Variants in TMEM67 observed in about 807,000 individuals in gnomAD.
The protein encoded by TMEM67 is meckelin.
Under a neutral mutation model 136.6 loss-of-function variants are expected in TMEM67, and 124 were observed. The ratio of observed to expected loss-of-function variants is 0.91; its 90% confidence interval spans 0.78 to 1.05. The LOEUF is 1.05. Ranked by LOEUF, TMEM67 falls within the 50% of genes least tolerant of loss-of-function variation. TMEM67 has a pLI of 0.00. For missense variants in TMEM67, 1,107 were observed against 1,178.4 expected, an observed-to-expected ratio of 0.94 and a Z score of 0.89; for synonymous variants, 364 against 390.5, an observed-to-expected ratio of 0.93 and a Z score of 0.80.
rs144538020 is a variant in TMEM67 at position 93,795,396 on chromosome 8, T to C, written c.1675-13T>C. On this transcript the variant is annotated splice_polypyrimidine_tract_variant and intron_variant, in intron 16 of 27. Transcript: ENST00000453321. ...AGTCTTAAACAGCTGTAATTCTTTT[T>C]TTTAAATTGCAGACAGTTGTGAAAT... 1.2e-6 allele frequency: 2 copies of C among 1,611,002 alleles called. No homozygotes were observed. Among genetic ancestry groups the C allele is most frequent in the Non-Finnish European group, 1.7e-6 (2 of 1,177,174 alleles).
rs748452316 is a variant in TMEM67 at position 93,787,887 on chromosome 8, CCCTT to C, written c.1457_1460del (p.Pro486GlnfsTer19). ...CACAATAAATGGAAACATCTACCCT[CCCTT>C]AATCACCATTGCCTACAGTGACATT... On this transcript the variant is annotated frameshift_variant, in exon 14 of 28. Coordinates refer to ENST00000453321, the MANE Select transcript of TMEM67 (RefSeq NM_153704.6). LOFTEE classifies it high-confidence loss of function. 6.2e-7 allele frequency: 1 copy of C among 1,614,068 alleles called. No homozygotes were observed. The highest frequency in any genetic ancestry group is 1.1e-5 in the South Asian group (1 of 91,084).
chr8:93,774,750 A>G (rs1813466451), intron 7 of TMEM67, among the ~76,000 whole-genome samples: 1 of 152,150 alleles, frequency 6.6e-6, no homozygotes, highest in Admixed American at 6.5e-5. Context: ...TTCTTAATCC[A>G]GTCTATCATT....
At chr8:93,811,820 C>T (rs1185357047) in intron 26 of TMEM67, among the ~76,000 whole-genome samples, 2 of 151,898 alleles carry the variant, frequency 1.3e-5, no homozygotes, top group African/African-American at 2.4e-5. Flanking sequence ...GCCTGGAGGA[C>T]AGAGCAAGAC....
chr8:93,765,006 C>T (rs1458579674), intron 4 of TMEM67, among the ~76,000 whole-genome samples: 2 of 152,106 alleles, frequency 1.3e-5, no homozygotes, highest in Non-Finnish European at 2.9e-5. Context: ...ATACATTTCT[C>T]TTCGGGTTAT....
At chr8:93,813,916 T>C (rs1473725229) in intron 26 of TMEM67, among the ~76,000 whole-genome samples, 3 of 152,144 alleles carry the variant, frequency 2.0e-5, no homozygotes, top group Non-Finnish European at 4.4e-5. Context: ...GCAAGTGTAA[T>C]GTGCATATTT....
intron 25 of TMEM67, 151 bp downstream of exon 25, chr8:93,809,312 A>G (rs576323492): frequency 1.9e-5 from 12 of 643,054 alleles, no homozygotes; most frequent in Non-Finnish European, 3.0e-5. Flanking sequence ...GTCACATTCA[A>G]TACTTAGGAA....
chr8:93,781,085 T>C, intron 9 of TMEM67, 103 bp downstream of exon 9: 1 of 775,152 alleles, frequency 1.3e-6, no homozygotes, highest in Non-Finnish European at 2.3e-6. Flanking sequence ...TGGTACAAAC[T>C]CAGTTACTAA....
chr8:93,757,912 A>C (rs1812654861), intron 2 of TMEM67, among the ~76,000 whole-genome samples: 1 of 151,940 alleles, frequency 6.6e-6, no homozygotes, highest in Non-Finnish European at 1.5e-5. Context: ...ATACACCACC[A>C]CGCCCAGCTA....
chr8:93,825,646 A>G, the TMEM67 span, among the ~76,000 whole-genome samples: 1 of 152,232 alleles, frequency 6.6e-6, no homozygotes, highest in East Asian at 1.9e-4. Context: ...ATATCCATAT[A>G]GCTCCCAACT....
chr8:93,758,523 C>T lies in TMEM67; in HGVS notation c.353C>T (p.Pro118Leu), dbSNP rs1812682703. 5 of 1,613,966 alleles carry T rather than the reference C, an allele frequency of 3.1e-6. No homozygotes were observed. Among genetic ancestry groups the T allele is most frequent in the Non-Finnish European group, 3.4e-6 (4 of 1,179,930 alleles). The stretch of plus-strand genomic sequence containing the variant: ...GATGGCTGGAACTGCATTTCTTGCC[C>T]TAGTGACTTAACTGCCGAAGGAAAA... ...TEDGWNCISC[P>L]SDLTAEGKCH... is the part of the protein sequence containing the mutation. The change falls in exon 3 of 28, where the codon CCT becomes CTT. Residue 118 changes from proline to leucine, a missense_variant. By Grantham distance (98) the Pro-to-Leu change is moderately conservative. Coordinates refer to ENST00000453321, the MANE Select transcript of TMEM67 (RefSeq NM_153704.6).
At chr8:93,796,304 G>T (rs1219278097) in intron 18 of TMEM67, among the ~76,000 whole-genome samples, 2 of 152,090 alleles carry the variant, frequency 1.3e-5, no homozygotes, top group Non-Finnish European at 1.5e-5. Context: ...CATGAATTTT[G>T]TCTCCATTAA....
Position 93,755,123 on chromosome 8 carries a change from G to C in TMEM67, c.209G>C (p.Arg70Thr). 6.2e-7 allele frequency: 1 copy of C among 1,614,152 alleles called. No individual in the cohort carries two copies. Among genetic ancestry groups the C allele is most frequent in the South Asian group, 1.1e-5 (1 of 91,078 alleles). ...LSCVPCGANQ[R>T]QDARGTSCVC... Reference sequence around the variant, plus strand: ...TGTGTTCCTTGTGGAGCTAACCAGAGGCAAGATGCCCGAGGTAAGACGGTT... The same window carrying C: ...TGTGTTCCTTGTGGAGCTAACCAGACGCAAGATGCCCGAGGTAAGACGGTT... The change falls in exon 1 of 28, where the codon AGG becomes ACG. Residue 70 changes from arginine (R) to threonine (T), a missense_variant. Transcript: ENST00000453321.
the TMEM67 span, among the ~76,000 whole-genome samples, chr8:93,826,715 A>G: frequency 4.1e-3 from 620 of 152,342 alleles, 6 homozygotes; most frequent in African/African-American, 0.015. Context: ...TCCACAATTG[A>G]TAACCTTCTA....
intron 7 of TMEM67, among the ~76,000 whole-genome samples, chr8:93,778,133 T>G (rs547345300): frequency 1.4e-4 from 21 of 152,332 alleles, no homozygotes; most frequent in Non-Finnish European, 2.8e-4. Flanking sequence ...CTTTTGATCT[T>G]TGTTGGTTTA....
At position 93,775,111 on chromosome 8, in the gene TMEM67, T is replaced by C. The variant is rs544340640; in HGVS notation, c.714+2460T>C. 5.9e-5 allele frequency among the ~76,000 whole-genome samples: 9 copies of C among 152,380 alleles called. No individual in the cohort carries two copies. In the South Asian group the frequency reaches 1.7e-3, roughly 28 times the overall value. Reference sequence around the variant, plus strand: ...TTTACATTTCTCTGATGACCAGTGATGACGAGCATTTTTTCATGTGTCTGT... The same window carrying C: ...TTTACATTTCTCTGATGACCAGTGACGACGAGCATTTTTTCATGTGTCTGT... On this transcript the variant is annotated intron_variant, in intron 7 of 27. Coordinates refer to ENST00000453321, the MANE Select transcript of TMEM67 (RefSeq NM_153704.6).
chr8:93,819,643 G>A (rs1048965497), downstream of TMEM67, among the ~76,000 whole-genome samples: 1 of 152,130 alleles, frequency 6.6e-6, no homozygotes, highest in South Asian at 2.1e-4. Flanking sequence ...TTTGACCTCA[G>A]AGAAGTGGAT....
intron 26 of TMEM67, among the ~76,000 whole-genome samples, chr8:93,814,947 C>T (rs561205393): frequency 2.0e-5 from 3 of 152,196 alleles, no homozygotes; most frequent in Admixed American, 6.5e-5. Flanking sequence ...CTGGTTTTTT[C>T]TCTGATTTAC....
At chr8:93,797,038 G>A (rs1814650208) in intron 18 of TMEM67, 96 bp from the exon 19 acceptor site, 4 of 761,038 alleles carry the variant, frequency 5.3e-6, no homozygotes, top group African/African-American at 1.7e-5. Flanking sequence ...ATATGTTCTT[G>A]TGATAACAGT....
At chr8:93,815,499 T>C (rs754004250) in intron 27 of TMEM67, 52 bp downstream of exon 27, 1 of 1,492,582 alleles carries the variant, frequency 6.7e-7, no homozygotes, top group Non-Finnish European at 9.3e-7. Context: ...GAGAGAAATA[T>C]GTTAGAAGTA....
Sources: gnomAD v4.1 joint callset for allele counts (sites outside exome capture counted in the v4.1 genomes callset) on GRCh38, gnomAD v4.1.1 for gene constraint, MANE v1.5 for transcripts, NCBI Gene and HGNC (gene_info 2026-07-23, HGNC 2026-07-21) for gene names.